FAM81A: variants seen among roughly 807,000 people sequenced by gnomAD.
FAM81A encodes the protein protein FAM81A.
Under a neutral mutation model 46.7 loss-of-function variants are expected in FAM81A, and 19 were observed. The ratio of observed to expected loss-of-function variants is 0.41; its 90% CI spans 0.28 to 0.60. The LOEUF (loss-of-function observed/expected upper bound fraction) is 0.60, where lower values mean the gene tolerates loss of function less well. Ranked by LOEUF, FAM81A falls within the 20% of genes least tolerant of loss-of-function variation. FAM81A has a pLI of 0.34. For synonymous variants in FAM81A, 183 were observed against 152.9 expected, an observed-to-expected ratio of 1.20 and a Z score of -1.45; for missense variants, 377 against 453.5, an observed-to-expected ratio of 0.83 and a Z score of 1.53.
intron 2 of FAM81A, among the ~76,000 whole-genome samples, chr15:59,413,895 G>C (rs2141542411): frequency 6.6e-6 from 1 of 152,316 alleles, no homozygotes; most frequent in South Asian, 2.1e-4. Flanking sequence ...ATGAGGGTCA[G>C]GCTGCTGTGA....
intron 3 of FAM81A, among the ~76,000 whole-genome samples, chr15:59,472,936 A>G (rs1225005814): frequency 6.6e-6 from 1 of 152,204 alleles, no homozygotes. Context: ...TTGGGTGCTG[A>G]GTCAGTTTTA....
chr15:59,413,872 T>A (rs1035878186), intron 2 of FAM81A, among the ~76,000 whole-genome samples: 10 of 152,168 alleles, frequency 6.6e-5, no homozygotes, highest in Admixed American at 6.5e-4. Context: ...TTATCATCCT[T>A]GAGAAGGGAG....
chr15:59,468,995 T>C (rs1442389180), intron 3 of FAM81A, among the ~76,000 whole-genome samples: 1 of 152,250 alleles, frequency 6.6e-6, no homozygotes, highest in African/African-American at 2.4e-5. Flanking sequence ...AGCAAGTTGT[T>C]CAGTTTACAT....
chr15:59,486,106 G>C (rs1403159814), intron 3 of FAM81A, among the ~76,000 whole-genome samples: 1 of 152,146 alleles, frequency 6.6e-6, no homozygotes, highest in Non-Finnish European at 1.5e-5. Context: ...TTGAACCCAG[G>C]AGGCAGAGGT....
chr15:59,487,111 AAAC>A (rs1228898522), intron 3 of FAM81A, among the ~76,000 whole-genome samples: 1 of 146,760 alleles, frequency 6.8e-6, no homozygotes, highest in Non-Finnish European at 1.5e-5. Flanking sequence ...ATATGAATAG[AAAC>A]AACAAAAAGT....
chr15:59,398,958 A>G (rs1333322464), intron 1 of FAM81A, among the ~76,000 whole-genome samples: 1 of 151,994 alleles, frequency 6.6e-6, no homozygotes, highest in African/African-American at 2.4e-5. Flanking sequence ...TCACGAGGTC[A>G]GGAGATCGAG....
chr15:59,473,172 T>C (rs1040302684), intron 3 of FAM81A, among the ~76,000 whole-genome samples: 1 of 152,176 alleles, frequency 6.6e-6, no homozygotes, highest in African/African-American at 2.4e-5. Flanking sequence ...TAGGCCCCTT[T>C]ATCTGTGGCT....
chr15:59,418,709 G>C (rs1191220302), intron 2 of FAM81A, among the ~76,000 whole-genome samples: 8 of 152,202 alleles, frequency 5.3e-5, no homozygotes, highest in Non-Finnish European at 1.5e-5. Flanking sequence ...AAGAGCTTAG[G>C]CTTTGAAGCC....
intron 3 of FAM81A, among the ~76,000 whole-genome samples, chr15:59,465,998 G>A (rs1307475225): frequency 6.6e-6 from 1 of 152,108 alleles, no homozygotes; most frequent in African/African-American, 2.4e-5. Context: ...TGAGAATGAT[G>A]GTTTCCAGCC....
chr15:59,521,186 T>C, intron 8 of FAM81A, 68 bp from the exon 9 acceptor site: 2 of 1,544,420 alleles, frequency 1.3e-6, no homozygotes, highest in Non-Finnish European at 1.7e-6. Flanking sequence ...CATTACTAGA[T>C]ACTATAGAAT....
At chr15:59,495,003 T>C (rs1179044567) in intron 4 of FAM81A, among the ~76,000 whole-genome samples, 1 of 152,150 alleles carries the variant, frequency 6.6e-6, no homozygotes, top group East Asian at 1.9e-4. Context: ...ATACATAGCC[T>C]CCTTTCTCTC....
chr15:59,429,258 G>A (rs2081209216), intron 2 of FAM81A, among the ~76,000 whole-genome samples: 1 of 152,146 alleles, frequency 6.6e-6, no homozygotes, highest in South Asian at 2.1e-4. Context: ...AAATTTCAAA[G>A]TCAGTTGTCT....
chr15:59,488,100 G>A (rs1365634203), intron 3 of FAM81A, among the ~76,000 whole-genome samples: 3 of 152,208 alleles, frequency 2.0e-5, no homozygotes, highest in Non-Finnish European at 4.4e-5. Context: ...TTCCAGGGAT[G>A]CAAAGATGGT....
chr15:59,401,714 T>C (rs573127446), intron 1 of FAM81A: 1 of 776,550 alleles, frequency 1.3e-6, no homozygotes, highest in Non-Finnish European at 2.4e-6. Flanking sequence ...AGCTCGAGAT[T>C]GTCCCTCTCT....
intron 1 of FAM81A, among the ~76,000 whole-genome samples, chr15:59,446,000 T>G (rs2081350765): frequency 6.6e-6 from 1 of 152,216 alleles, no homozygotes; most frequent in African/African-American, 2.4e-5. Flanking sequence ...GAAGGGCACC[T>G]TCAGTCAGCA....
intron 6 of FAM81A, among the ~76,000 whole-genome samples, chr15:59,512,912 A>G (rs1428860885): frequency 6.6e-6 from 1 of 152,210 alleles, no homozygotes; most frequent in Admixed American, 6.5e-5. Context: ...TCTCGCTGCA[A>G]GGGATCCTGG....
intron 4 of FAM81A, among the ~76,000 whole-genome samples, chr15:59,505,016 C>T (rs1406514257): frequency 6.6e-6 from 1 of 152,170 alleles, no homozygotes; most frequent in African/African-American, 2.4e-5. Context: ...GGCATTCACA[C>T]CTCAAATATT....
At chr15:59,433,815 A>G (rs139205807), upstream of FAM81A, among the ~76,000 whole-genome samples, 54 of 152,310 alleles carry the variant, frequency 3.5e-4, no homozygotes, top group Middle Eastern at 3.4e-3. Context: ...CCTTTGTTCA[A>G]TGTAAGATTT....
chr15:59,492,507 T>G, intron 4 of FAM81A, 118 bp downstream of exon 4: 9 of 731,968 alleles, frequency 1.2e-5, no homozygotes, highest in East Asian at 5.9e-5. Context: ...CTTTAGTACA[T>G]TCCCTCCCTG....
Sources: allele counts gnomAD v4.1 joint callset (sites outside exome capture counted in the v4.1 genomes callset), GRCh38; gene constraint gnomAD v4.1.1; transcripts MANE v1.5; gene names NCBI Gene and HGNC (gene_info 2026-07-23, HGNC 2026-07-21).